BAZ1A: variants seen among roughly 807,000 people sequenced by gnomAD.
The protein encoded by BAZ1A is bromodomain adjacent to zinc finger domain protein 1A.
Under a neutral mutation model 185.2 loss-of-function variants are expected in BAZ1A, and 50 were observed. The ratio of observed to expected loss-of-function variants is 0.27; its 90% CI spans 0.22 to 0.34. The LOEUF (loss-of-function observed/expected upper bound fraction) is 0.34, where lower values mean the gene tolerates loss of function less well. Among genes scored for constraint, BAZ1A ranks in the 10% least tolerant of loss-of-function variants. The pLI is 1.00. For missense variants in BAZ1A, 1,356 were observed against 1,839.9 expected, an observed-to-expected ratio of 0.74 and a Z score of 4.81; for synonymous variants, 571 against 615.6, an observed-to-expected ratio of 0.93 and a Z score of 1.07.
intron 3 of BAZ1A, among the ~76,000 whole-genome samples, chr14:34,860,885 C>T (rs1419181785): frequency 1.3e-5 from 2 of 151,520 alleles, no homozygotes; most frequent in Non-Finnish European, 2.9e-5. Flanking sequence ...GCAACAAGAG[C>T]GGAACTCCGT....
chr14:34,783,571 A>C (rs981934135), intron 15 of BAZ1A, among the ~76,000 whole-genome samples, 191 bp downstream of exon 15: 5 of 152,132 alleles, frequency 3.3e-5, no homozygotes, highest in Middle Eastern at 6.8e-3. Context: ...CCTGACCTCA[A>C]GTAATCCACC....
At chr14:34,851,984 G>A (rs1180497316) in intron 3 of BAZ1A, among the ~76,000 whole-genome samples, 3 of 151,974 alleles carry the variant, frequency 2.0e-5, no homozygotes, top group Admixed American at 1.3e-4. Context: ...AAAATTAGCC[G>A]GGCGTGGTGG....
intron 25 of BAZ1A, among the ~76,000 whole-genome samples, chr14:34,757,402 T>A (rs1284066560): frequency 7.0e-6 from 1 of 142,376 alleles, no homozygotes; most frequent in East Asian, 2.1e-4. Context: ...CAGTGGCCCG[T>A]GCCTGTAATC....
intron 6 of BAZ1A, among the ~76,000 whole-genome samples, chr14:34,806,729 CTTTTTA>C (rs1275090952): frequency 6.6e-6 from 1 of 151,614 alleles, no homozygotes; most frequent in Non-Finnish European, 1.5e-5. Flanking sequence ...TAGCATGATA[CTTTTTA>C]TTTTTATTTA....
intron 2 of BAZ1A, among the ~76,000 whole-genome samples, chr14:34,868,890 AAGTATGTATG>A (rs2042904487): frequency 3.5e-5 from 2 of 57,330 alleles, no homozygotes; most frequent in Non-Finnish European, 7.7e-5. Flanking sequence ...CTATGTATGT[AAGTATGTATG>A]TGTGTGTGTG....
chr14:34,792,627 T>TGG, intron 12 of BAZ1A, 148 bp downstream of exon 12: 1 of 920,464 alleles, frequency 1.1e-6, no homozygotes, highest in South Asian at 1.6e-5. Flanking sequence ...CATAATCCAT[T>TGG]TGTTGTTAGC....
At chr14:34,823,416 T>A (rs2042116856) in intron 4 of BAZ1A, among the ~76,000 whole-genome samples, 1 of 151,848 alleles carries the variant, frequency 6.6e-6, no homozygotes, top group Non-Finnish European at 1.5e-5. Flanking sequence ...TCCCAGCACT[T>A]TGGGAGGCCA....
intron 2 of BAZ1A, among the ~76,000 whole-genome samples, chr14:34,869,926 C>G (rs572970057): frequency 1.2e-4 from 18 of 152,316 alleles, no homozygotes; most frequent in Non-Finnish European, 2.4e-4. Context: ...AAAGACCACA[C>G]GGTAACTAAA....
intron 3 of BAZ1A, among the ~76,000 whole-genome samples, chr14:34,856,019 G>A (rs2042671451): frequency 6.6e-6 from 1 of 152,152 alleles, no homozygotes; most frequent in African/African-American, 2.4e-5. Flanking sequence ...AGCTTAATAT[G>A]CCTAGTATTT....
chr14:34,772,018 G>A (rs1959154), intron 20 of BAZ1A, among the ~76,000 whole-genome samples: 32,589 of 151,508 alleles, frequency 0.22, 3,762 homozygotes, highest in Non-Finnish European at 0.26. Context: ...GCAGTGGTGC[G>A]ATCTCAGCTT....
At chr14:34,821,654 GA>G (rs2042090927) in intron 4 of BAZ1A, among the ~76,000 whole-genome samples, 1 of 152,212 alleles carries the variant, frequency 6.6e-6, no homozygotes, top group African/African-American at 2.4e-5. Context: ...GATGTATAGT[GA>G]AGGCTCAGAT....
At chr14:34,834,146 ATGGATCT>A (rs1438874613) in intron 3 of BAZ1A, among the ~76,000 whole-genome samples, 1 of 152,222 alleles carries the variant, frequency 6.6e-6, no homozygotes, top group African/African-American at 2.4e-5. Context: ...AAGAAATCAA[ATGGATCT>A]GCCTTTGAAA....
intron 11 of BAZ1A, among the ~76,000 whole-genome samples, 189 bp downstream of exon 11, chr14:34,794,555 GATGAA>G (rs1411961809): frequency 6.6e-6 from 1 of 152,154 alleles, no homozygotes; most frequent in East Asian, 1.9e-4. Context: ...GAGATACTCT[GATGAA>G]ATGAAAGGCC....
At chr14:34,856,220 C>A (rs2042674556) in intron 3 of BAZ1A, among the ~76,000 whole-genome samples, 1 of 151,894 alleles carries the variant, frequency 6.6e-6, no homozygotes. Flanking sequence ...TCTTGAGTTA[C>A]CTTATTCACA....
Position 34,826,063 on chromosome 14 carries a change from GATA to G in BAZ1A, c.483_485del (p.Ile163del), listed in dbSNP as rs1566582583. The G allele has an allele frequency of 6.2e-7, 1 of 1,607,360 alleles. No individual in the cohort carries two copies. The highest frequency in any genetic ancestry group is 8.5e-7 in the Non-Finnish European group (1 of 1,176,310). ...TTTCTGAATCATCACTATCACTGATGATAATAGTTTCTCCATCCACACTGTTAA... is the reference window on the plus strand; with the variant it reads ...TTTCTGAATCATCACTATCACTGATGATAGTTTCTCCATCCACACTGTTAA... On this transcript the variant is annotated inframe_deletion, in exon 4 of 27. Transcript: ENST00000360310.
Position 34,771,493 on chromosome 14 carries a change from A to AT in BAZ1A, c.3301+17dup. ...CTTATAACACAACTAATATTTTGAA[A>AT]TAAAAACAGATACTTACCAAGTGGA... On this transcript the variant is annotated intron_variant, in intron 21 of 26. Transcript: ENST00000360310. 2 of 1,594,468 alleles carry AT rather than the reference A, an allele frequency of 1.3e-6. No homozygotes were observed. The highest frequency in any genetic ancestry group is 1.7e-6 in the Non-Finnish European group (2 of 1,173,408).
intron 3 of BAZ1A, among the ~76,000 whole-genome samples, chr14:34,830,310 AT>A (rs965207083): frequency 7.2e-5 from 11 of 152,158 alleles, no homozygotes; most frequent in Non-Finnish European, 1.3e-4. Context: ...AAAAAAAAAA[AT>A]AGGAATGAAG....
Position 34,807,464 on chromosome 14 carries a change from A to G in BAZ1A, c.713T>C (p.Val238Ala). 1 of 1,605,954 alleles carries G rather than the reference A, an allele frequency of 6.2e-7. No individual in the cohort carries two copies. The highest frequency in any genetic ancestry group is 8.5e-7 in the Non-Finnish European group (1 of 1,174,576). Residue 238 changes from valine (V) to alanine (A), a missense_variant, in exon 6 of 27, where the codon GTC becomes GCC. By Grantham distance (64) the Val-to-Ala change is moderately conservative. Coordinates refer to ENST00000360310, the MANE Select transcript of BAZ1A (RefSeq NM_013448.3). ...LKQHCEPQDGVIKIKASSLST... is the reference protein window; with the variant it reads ...LKQHCEPQDGAIKIKASSLST... ...TTATTTGATTACCTTTATTTTAATG[A>G]CTCCATCTTGTGGTTCACAGTGTTG...
chr14:34,844,647 T>C (rs969490409), intron 3 of BAZ1A, among the ~76,000 whole-genome samples: 5 of 150,764 alleles, frequency 3.3e-5, no homozygotes, highest in Middle Eastern at 3.5e-3. Flanking sequence ...CCAGGTGTGG[T>C]GGCATAAGCC....
Sources: gnomAD v4.1 joint callset for allele counts (sites outside exome capture counted in the v4.1 genomes callset) on GRCh38, gnomAD v4.1.1 for gene constraint, MANE v1.5 for transcripts, NCBI Gene and HGNC (gene_info 2026-07-23, HGNC 2026-07-21) for gene names.